The following RPS6 variants were observed in gnomAD, a reference collection of about 807,000 sequenced individuals.
RPS6 encodes small ribosomal subunit protein eS6.
RPS6 carries 1 observed loss-of-function variant against 27.1 expected under a neutral mutation model. The ratio of observed to expected loss-of-function variants is 0.04; its 90% CI spans 0.01 to 0.18. RPS6 has a LOEUF of 0.18. Among genes scored for constraint, RPS6 ranks in the 10% least tolerant of loss-of-function variants. The probability of loss-of-function intolerance (pLI) is 1.00; values close to 1 mark genes in which losing one functional copy is unlikely to be tolerated. For missense variants in RPS6, 259 were observed against 319.1 expected (o/e 0.81, Z 1.44); for synonymous variants, 152 against 106.0 (o/e 1.43, Z -2.66).
chr9:19,379,807 A>G (rs996410052), intron 1 of RPS6, 189 bp from the exon 2 acceptor site: 6 of 1,434,830 alleles, frequency 4.2e-6, no homozygotes, highest in Admixed American at 5.7e-5. Flanking sequence ...CGCCGCACTC[A>G]GCAGGACGTT....
Position 19,380,013 on chromosome 9 carries a change from G to C in RPS6, c.6+177C>G. On this transcript the variant is annotated intron_variant, in intron 1 of 5. Transcript: ENST00000380394. The stretch of plus-strand genomic sequence containing the variant: ...GCCCGCCGCGGCTCCAGCCGCAATC[G>C]CCTGCCATCCGTTCGGCCAAAAAGC... 5.4e-6 allele frequency: 8 copies of C among 1,493,288 alleles called. No homozygotes were observed. In the South Asian group the frequency reaches 8.1e-5, roughly 15 times the overall value. 92.5% of individuals were successfully genotyped at this position (1,493,288 alleles called of 1,614,324 possible).
At chr9:19,378,286 C>T in intron 4 of RPS6, 82 bp downstream of exon 4, 1 of 1,393,640 alleles carries the variant, frequency 7.2e-7, no homozygotes, top group South Asian at 1.2e-5. Context: ...TCCAAAGGCA[C>T]ATATTTATCT....
chr9:19,376,463 C>T (rs746021190), intron 5 of RPS6, 31 bp downstream of exon 5: 1 of 1,611,888 alleles, frequency 6.2e-7, no homozygotes, highest in Non-Finnish European at 8.5e-7. Flanking sequence ...GGTCGAACTC[C>T]TCCCACCCCC....
At chr9:19,378,083 CAGATAGCAATGACCTTAA>C (rs1829620099) in intron 4 of RPS6, among the ~76,000 whole-genome samples, 1 of 152,138 alleles carries the variant, frequency 6.6e-6, no homozygotes, top group African/African-American at 2.4e-5. Context: ...ACTCCTAAAC[CAGATAGCAATGACCTTAA>C]AGTCAGGTTA....
At chr9:19,378,961 C>G in intron 2 of RPS6, 43 bp from the exon 3 acceptor site, 2 of 1,575,758 alleles carry the variant, frequency 1.3e-6, no homozygotes, top group African/African-American at 1.3e-5. Context: ...TATTTCTATT[C>G]CAAAATTATA....
At chr9:19,378,677 T>A (rs1050288609) in intron 3 of RPS6, 31 bp downstream of exon 3, 1 of 1,610,762 alleles carries the variant, frequency 6.2e-7, no homozygotes, top group Non-Finnish European at 8.5e-7. Context: ...TAAATCAATT[T>A]CAACGAAAAT....
At chr9:19,376,428 G>A (rs1203610428) in intron 5 of RPS6, 40 bp from the exon 6 acceptor site, 1 of 1,612,616 alleles carries the variant, frequency 6.2e-7, no homozygotes, top group Non-Finnish European at 8.5e-7. Flanking sequence ...GGCCTTTCTG[G>A]GTTAAAGACG....
At chr9:19,378,271 G>A in intron 4 of RPS6, 97 bp downstream of exon 4, 1 of 1,219,788 alleles carries the variant, frequency 8.2e-7, no homozygotes, top group Non-Finnish European at 1.2e-6. Flanking sequence ...ATAGTGCTAA[G>A]GCCTTCCAAA....
rs1030388263 is a variant in RPS6, at chr9:19,375,880, TAAA to T, written c.*410_*412del. 1 of 154,238 alleles carries T rather than the reference TAAA, an allele frequency of 6.5e-6. No individual in the cohort carries two copies. Among genetic ancestry groups the T allele is most frequent in the Middle Eastern group, 3.1e-3 (1 of 318 alleles). 9.6% of individuals were successfully genotyped at this position (154,238 alleles called of 1,614,324 possible). ...CTAGGTATCCACTAAAACTATGCCT[TAAA>T]AGTTACCTTTTAAAAAAGACATGTT... On this transcript the variant is annotated 3_prime_UTR_variant, in exon 6 of 6. Coordinates refer to ENST00000380394, the MANE Select transcript of RPS6 (RefSeq NM_001010.3).
intron 4 of RPS6, among the ~76,000 whole-genome samples, chr9:19,377,968 G>A (rs1471443274): frequency 1.3e-5 from 2 of 152,202 alleles, no homozygotes; most frequent in Admixed American, 6.5e-5. Flanking sequence ...ACCAGCCTGG[G>A]CAACAGTGTG....
In RPS6 at chr9:19,378,757, G is replaced by A. The variant is rs761799313; in HGVS notation, c.300C>T (p.Cys100=). 13 of 1,614,056 alleles carry A rather than the reference G, an allele frequency of 8.1e-6. No homozygotes were observed. Among genetic ancestry groups the A allele is most frequent in the Non-Finnish European group, 1.1e-5 (13 of 1,180,008 alleles). ...GERKRKSVRG[C]IVDANLSVLN... ...GAACGCTCAGATTTGCATCCACAATGCAACCACGAACTGATTTTCTCTTTC... is the reference window on the plus strand; with the variant it reads ...GAACGCTCAGATTTGCATCCACAATACAACCACGAACTGATTTTCTCTTTC... The change falls in exon 3 of 6, where the codon TGC becomes TGT. Residue 100 remains cysteine (C), a synonymous_variant. Coordinates refer to ENST00000380394, the MANE Select transcript of RPS6 (RefSeq NM_001010.3).
chr9:19,376,101 CTGTACACTGACCT>C lies in RPS6; in HGVS notation c.*179_*191del. The C allele has an allele frequency of 1.8e-6, 1 of 560,258 alleles. No individual in the cohort carries two copies. The highest frequency in any genetic ancestry group is 3.1e-5 in the East Asian group (1 of 32,664). 34.7% of individuals were successfully genotyped at this position (560,258 alleles called of 1,614,324 possible). A position where few individuals can be genotyped will look rare whatever the true frequency, so the allele number is the denominator to read the frequency against. On this transcript the variant is annotated 3_prime_UTR_variant, in exon 6 of 6. Transcript: ENST00000380394. ...GCCACCCATCCCCTGAAAGGAACCCCTGTACACTGACCTTGTCTTCCACTACCACACACAATAG... is the reference window on the plus strand; with the variant it reads ...GCCACCCATCCCCTGAAAGGAACCCCTGTCTTCCACTACCACACACAATAG...
intron 3 of RPS6, 80 bp downstream of exon 3, chr9:19,378,628 T>C: frequency 1.9e-6 from 3 of 1,576,502 alleles, no homozygotes; most frequent in Non-Finnish European, 2.6e-6. Flanking sequence ...TCTGTAAGTC[T>C]GGATACTGCA....
chr9:19,377,535 A>T (rs1248444174), intron 4 of RPS6, among the ~76,000 whole-genome samples: 2 of 152,218 alleles, frequency 1.3e-5, no homozygotes, highest in East Asian at 3.9e-4. Context: ...CATGTATGTT[A>T]AGTCACACCA....
In RPS6 at chr9:19,379,775, A is replaced by G. The variant is rs553796427; in HGVS notation, c.7-157T>C. On this transcript the variant is annotated intron_variant, in intron 1 of 5. Transcript: ENST00000380394. ...GACTGTACTCACTAAAAGCACGTGA[A>G]AGCAGAGTAGCAGTCAAGAAGCGCC... 435 of 1,468,770 alleles carry G rather than the reference A, an allele frequency of 3.0e-4. 6 individuals carry two copies. In the South Asian group the frequency reaches 4.4e-3, roughly 15 times the overall value. 91.0% of individuals were successfully genotyped at this position (1,468,770 alleles called of 1,614,324 possible). A position where few individuals can be genotyped will look rare whatever the true frequency, so the allele number is the denominator to read the frequency against.
chr9:19,379,037 G>A (rs904618538), intron 2 of RPS6, 119 bp from the exon 3 acceptor site: 12 of 1,026,516 alleles, frequency 1.2e-5, no homozygotes, highest in Non-Finnish European at 7.0e-6. Context: ...AAACCAATTT[G>A]AACTTAAGCA....
intron 1 of RPS6, 62 bp from the exon 2 acceptor site, chr9:19,379,680 T>A: frequency 6.5e-7 from 1 of 1,539,338 alleles, no homozygotes; most frequent in Non-Finnish European, 8.7e-7. Context: ...TGTAGAGCCA[T>A]CTACAAAGTT....
chr9:19,377,346 T>C (rs916657927), intron 4 of RPS6, among the ~76,000 whole-genome samples: 8 of 151,886 alleles, frequency 5.3e-5, no homozygotes, highest in African/African-American at 1.7e-4. Context: ...ATACGGATTA[T>C]TTCCAGGGCT....
At chr9:19,377,080 C>A (rs1480271296) in intron 4 of RPS6, among the ~76,000 whole-genome samples, 1 of 152,196 alleles carries the variant, frequency 6.6e-6, no homozygotes, top group African/African-American at 2.4e-5. Flanking sequence ...GTAACGTTAA[C>A]TATTAACATC....
Sources: gnomAD v4.1 joint callset for allele counts (sites outside exome capture counted in the v4.1 genomes callset) on GRCh38, gnomAD v4.1.1 for gene constraint, MANE v1.5 for transcripts, NCBI Gene and HGNC (gene_info 2026-07-23, HGNC 2026-07-21) for gene names.